BTBD16: variants seen among roughly 807,000 people sequenced by gnomAD.
BTBD16 encodes BTB/POZ domain-containing protein 16.
Under a neutral mutation model 67.4 loss-of-function variants are expected in BTBD16, and 66 were observed. That is an observed-to-expected ratio of 0.98 (90% CI 0.80 to 1.20). The LOEUF (loss-of-function observed/expected upper bound fraction) is 1.20. Ranked by LOEUF, BTBD16 falls within the 50% of genes most tolerant of loss-of-function variation. The probability of loss-of-function intolerance (pLI) is 0.00; values close to 1 mark genes in which losing one functional copy is unlikely to be tolerated. For missense variants in BTBD16, 634 were observed against 616.0 expected, an observed-to-expected ratio of 1.03 and a Z score of -0.31; for synonymous variants, 242 against 236.4, an observed-to-expected ratio of 1.02 and a Z score of -0.22.
chr10:122,276,752 GA>G, intron 2 of BTBD16, 38 bp from the exon 3 acceptor site: 1 of 1,594,980 alleles, frequency 6.3e-7, no homozygotes, highest in South Asian at 1.1e-5. Flanking sequence ...TGTGAAGTTA[GA>G]AAAAAAGATG....
Position 122,301,092 on chromosome 10 carries a change from G to A in BTBD16, c.791+1958G>A, listed in dbSNP as rs561398989. Among the ~76,000 whole-genome samples the A allele has an allele frequency of 5.9e-5, 9 of 152,252 alleles. No homozygotes were observed. The East Asian group carries it at 9.7e-4, about 16-fold the overall frequency. Reference sequence around the variant, plus strand: ...ACTGGCTCACTCCTAAAGTCATTCCGTGGTGTTCTCTGCTTTTCCCCACTC... The same window carrying A: ...ACTGGCTCACTCCTAAAGTCATTCCATGGTGTTCTCTGCTTTTCCCCACTC... On this transcript the variant is annotated intron_variant, in intron 9 of 15. Coordinates refer to ENST00000260723, the MANE Select transcript of BTBD16 (RefSeq NM_144587.5).
At chr10:122,278,491 T>A (rs1180217906) in intron 3 of BTBD16, among the ~76,000 whole-genome samples, 1 of 152,168 alleles carries the variant, frequency 6.6e-6, no homozygotes, top group African/African-American at 2.4e-5. Context: ...TTCTGGCAAA[T>A]AGTAGATGCT....
At chr10:122,274,612 T>A (rs2096336377) in intron 1 of BTBD16, among the ~76,000 whole-genome samples, 1 of 152,182 alleles carries the variant, frequency 6.6e-6, no homozygotes, top group Admixed American at 6.5e-5. Flanking sequence ...CCCTGTAAGC[T>A]AGGGTGACCA....
chr10:122,313,257 G>GTTTTTTTTTTTTT (rs58984425), intron 10 of BTBD16, among the ~76,000 whole-genome samples: 3 of 139,138 alleles, frequency 2.2e-5, no homozygotes, highest in Non-Finnish European at 3.1e-5. Context: ...AGTTAGTGCT[G>GTTTTTTTTTTTTT]TTTTTTTTTT....
At chr10:122,302,385 T>C (rs914307146) in intron 9 of BTBD16, among the ~76,000 whole-genome samples, 5 of 152,262 alleles carry the variant, frequency 3.3e-5, no homozygotes, top group Admixed American at 2.0e-4. Context: ...CCAAGTTCTG[T>C]TTTTCTGGAA....
chr10:122,307,136 C>A (rs944979566), intron 9 of BTBD16, 53 bp from the exon 10 acceptor site: 26 of 1,553,020 alleles, frequency 1.7e-5, no homozygotes, highest in Non-Finnish European at 3.5e-6. Context: ...TTACAAGCAG[C>A]GTGATTTTGT....
At chr10:122,322,216 C>T (rs771205938) in intron 10 of BTBD16, among the ~76,000 whole-genome samples, 2 of 152,126 alleles carry the variant, frequency 1.3e-5, no homozygotes, top group Admixed American at 6.6e-5. Context: ...TTATTTCCTT[C>T]TACTTTCTTC....
intron 11 of BTBD16, 26 bp from the exon 12 acceptor site, chr10:122,331,150 A>G (rs767709158): frequency 6.2e-7 from 1 of 1,603,650 alleles, no homozygotes; most frequent in South Asian, 1.1e-5. Context: ...AAAACTAAAA[A>G]ACATTCTCTT....
chr10:122,301,148 G>A (rs1432204446), intron 9 of BTBD16, among the ~76,000 whole-genome samples: 1 of 152,018 alleles, frequency 6.6e-6, no homozygotes, highest in Non-Finnish European at 1.5e-5. Flanking sequence ...GCGGAGCAAA[G>A]GTTGCGCAAT....
chr10:122,315,161 T>A (rs781538519), intron 10 of BTBD16, among the ~76,000 whole-genome samples: 1 of 152,226 alleles, frequency 6.6e-6, no homozygotes, highest in Non-Finnish European at 1.5e-5. Context: ...TTGCTATGAA[T>A]GTGGTAAAAT....
At position 122,281,748 on chromosome 10, in the gene BTBD16, G is replaced by A. The variant is rs377704262; in HGVS notation, c.168-2103G>A. 2.0e-5 allele frequency among the ~76,000 whole-genome samples: 3 copies of A among 152,210 alleles called. No homozygotes were observed. In the South Asian group the frequency reaches 6.2e-4, roughly 32 times the overall value. ...TGGAAGGACTGGGGTCCAGCCCCAG[G>A]TCTATGTAACTCTTCCTAGTTAATC... is the stretch of plus-strand genomic sequence containing the variant. On this transcript the variant is annotated intron_variant, in intron 3 of 15. Coordinates refer to ENST00000260723, the MANE Select transcript of BTBD16 (RefSeq NM_144587.5).
At chr10:122,322,586 A>G (rs2096437479) in intron 10 of BTBD16, among the ~76,000 whole-genome samples, 1 of 152,190 alleles carries the variant, frequency 6.6e-6, no homozygotes, top group South Asian at 2.1e-4. Flanking sequence ...CTAGCTAGAG[A>G]AGGAGATGAA....
chr10:122,286,230 C>G lies in BTBD16; in HGVS notation c.367C>G (p.Leu123Val), dbSNP rs766540683. ...AQGTTHPLRE[L>V]EELLRAQSPK... is the part of the protein sequence containing the mutation. ...GGGCACCACACACCCCCTGAGGGAG[C>G]TGGAGGAGCTTCTGCGAGGTACTTC... Residue 123 changes from leucine (L) to valine (V), a missense_variant, in exon 5 of 16, where the codon CTG becomes GTG. Coordinates refer to ENST00000260723, the MANE Select transcript of BTBD16 (RefSeq NM_144587.5). 2.5e-6 allele frequency: 4 copies of G among 1,609,248 alleles called. No individual in the cohort carries two copies. Among genetic ancestry groups the G allele is most frequent in the South Asian group, 2.2e-5 (2 of 90,738 alleles).
chr10:122,332,660 G>T, intron 13 of BTBD16, 147 bp downstream of exon 13: 1 of 1,020,656 alleles, frequency 9.8e-7, no homozygotes, highest in Non-Finnish European at 1.4e-6. Flanking sequence ...TCTCCTGCAT[G>T]GTCATCAGCT....
intron 3 of BTBD16, among the ~76,000 whole-genome samples, chr10:122,277,370 C>G (rs2096343104): frequency 1.3e-5 from 2 of 152,140 alleles, no homozygotes; most frequent in African/African-American, 4.8e-5. Flanking sequence ...AGGCTAGACC[C>G]ACTTCTCCAT....
At chr10:122,300,456 C>A (rs547302532) in intron 9 of BTBD16, among the ~76,000 whole-genome samples, 1 of 152,028 alleles carries the variant, frequency 6.6e-6, no homozygotes, top group African/African-American at 2.4e-5. Context: ...ATATCATCTG[C>A]GTCTCTACGT....
At chr10:122,307,339 A>G in intron 10 of BTBD16, 31 bp downstream of exon 10, 1 of 1,569,366 alleles carries the variant, frequency 6.4e-7, no homozygotes, top group South Asian at 1.2e-5. Context: ...TTGATGAAAT[A>G]CACAAATACT....
intron 7 of BTBD16, among the ~76,000 whole-genome samples, chr10:122,292,704 A>G (rs2096376371): frequency 6.6e-6 from 1 of 152,218 alleles, no homozygotes; most frequent in Admixed American, 6.5e-5. Flanking sequence ...GGCCAAGGAG[A>G]CAGTGAGGGA....
chr10:122,286,357 A>C, intron 5 of BTBD16, 109 bp downstream of exon 5: 3 of 1,442,708 alleles, frequency 2.1e-6, no homozygotes, highest in Non-Finnish European at 2.8e-6. Flanking sequence ...CTAGCAGTCA[A>C]GAGTAAGGCT....
Sources: allele counts gnomAD v4.1 joint callset (sites outside exome capture counted in the v4.1 genomes callset), GRCh38; gene constraint gnomAD v4.1.1; transcripts MANE v1.5; gene names NCBI Gene and HGNC (gene_info 2026-07-23, HGNC 2026-07-21).